The following COMMD10 variants were observed in gnomAD, a reference collection of about 807,000 sequenced individuals.
COMMD10 encodes the protein COMM domain containing 10, also known as COMM domain-containing protein 10.
In COMMD10, 33 loss-of-function variants were observed where a neutral mutation model predicts 28.9. The ratio of observed to expected loss-of-function variants is 1.14; its 90% CI spans 0.87 to 1.53. The LOEUF (loss-of-function observed/expected upper bound fraction) is 1.53. COMMD10 is among the 40% of genes most tolerant of loss of function. The pLI, the probability that COMMD10 is intolerant of heterozygous loss-of-function variation, is 0.00. For missense variants in COMMD10, 310 were observed against 233.4 expected (o/e 1.33, Z -2.14); for synonymous variants, 110 against 81.7 (o/e 1.35, Z -1.87).
chr5:116,175,265 A>C (rs1188783514), intron 5 of COMMD10, among the ~76,000 whole-genome samples: 1 of 134,674 alleles, frequency 7.4e-6, no homozygotes, highest in Admixed American at 7.1e-5. Flanking sequence ...CAGTGGCTTT[A>C]AAAAAAAATT....
At position 116,292,524 on chromosome 5, in the gene COMMD10, G is replaced by A; in HGVS notation, c.*35G>A. On this transcript the variant is annotated 3_prime_UTR_variant, in exon 7 of 7. Transcript: ENST00000274458. ...AGACTGTTTTTTTCATCACGCTCCT[G>A]CCACCTCATTATTTTGCATTGAAGA... The A allele has an allele frequency of 1.3e-6, 2 of 1,546,802 alleles. No homozygotes were observed. The highest frequency in any genetic ancestry group is 1.8e-6 in the Non-Finnish European group (2 of 1,140,664).
chr5:116,274,071 T>C (rs1327298634), intron 5 of COMMD10, among the ~76,000 whole-genome samples: 1 of 151,722 alleles, frequency 6.6e-6, no homozygotes, highest in Non-Finnish European at 1.5e-5. Context: ...GTCACCAACC[T>C]TTCCTATAAA....
At chr5:116,184,303 A>G (rs1262526181) in intron 5 of COMMD10, among the ~76,000 whole-genome samples, 1 of 93,960 alleles carries the variant, frequency 1.1e-5, no homozygotes, top group Non-Finnish European at 2.1e-5. Flanking sequence ...TTTCTTAACT[A>G]TATATCTGAC....
At chr5:116,238,833 C>T (rs891179403) in intron 5 of COMMD10, among the ~76,000 whole-genome samples, 2 of 152,182 alleles carry the variant, frequency 1.3e-5, no homozygotes, top group African/African-American at 4.8e-5. Context: ...ATAATACATA[C>T]ATCAGTAATT....
chr5:116,156,340 T>A (rs1445395316), intron 5 of COMMD10, among the ~76,000 whole-genome samples: 1 of 152,142 alleles, frequency 6.6e-6, no homozygotes, highest in Non-Finnish European at 1.5e-5. Context: ...AATTCTGATC[T>A]GAAAATTGGA....
chr5:116,282,072 A>T (rs1490859067), intron 5 of COMMD10, among the ~76,000 whole-genome samples: 1 of 151,884 alleles, frequency 6.6e-6, no homozygotes, highest in African/African-American at 2.4e-5. Flanking sequence ...TATCAAGCTA[A>T]TTGTGTCTGA....
At chr5:116,192,809 C>T (rs570186827) in intron 5 of COMMD10, among the ~76,000 whole-genome samples, 41 of 152,258 alleles carry the variant, frequency 2.7e-4, no homozygotes, top group Non-Finnish European at 4.6e-4. Context: ...ACAAGAAGCA[C>T]AGAGAACACT....
rs560320724 is a variant in COMMD10, at chr5:116,159,340, A to T, written c.510+25162A>T. 2.9e-4 allele frequency among the ~76,000 whole-genome samples: 44 copies of T among 152,248 alleles called. No homozygotes were observed. The South Asian group carries it at 8.9e-3, about 31-fold the overall frequency. On this transcript the variant is annotated intron_variant, in intron 5 of 6. Coordinates refer to ENST00000274458, the MANE Select transcript of COMMD10 (RefSeq NM_016144.4). ...AATGCTCTTGCCTCATGGCATTTGC[A>T]CTTTTCATTTCCTCCTCTAGAATGC...
intron 5 of COMMD10, among the ~76,000 whole-genome samples, chr5:116,265,590 A>C (rs1750562768): frequency 6.6e-6 from 1 of 151,894 alleles, no homozygotes; most frequent in East Asian, 1.9e-4. Context: ...AATTCAAGTT[A>C]ACAAGCATTT....
At chr5:116,292,225 C>G (rs1458006164) in intron 6 of COMMD10, among the ~76,000 whole-genome samples, 1 of 151,952 alleles carries the variant, frequency 6.6e-6, no homozygotes, top group East Asian at 1.9e-4. Flanking sequence ...AAGAAATCTT[C>G]TTTCTTTGAA....
chr5:116,107,286 C>A (rs575971930), intron 4 of COMMD10, among the ~76,000 whole-genome samples: 2 of 152,178 alleles, frequency 1.3e-5, no homozygotes, highest in East Asian at 3.9e-4. Context: ...CAACTTGGTT[C>A]CATTCTCCCC....
At chr5:116,279,583 C>A (rs1433370346) in intron 5 of COMMD10, among the ~76,000 whole-genome samples, 3 of 151,794 alleles carry the variant, frequency 2.0e-5, no homozygotes, top group Admixed American at 6.6e-5. Context: ...CAACAGAGAT[C>A]AGCTGAAATT....
intron 5 of COMMD10, among the ~76,000 whole-genome samples, chr5:116,259,900 A>G (rs926506595): frequency 1.3e-4 from 20 of 151,846 alleles, no homozygotes; most frequent in Admixed American, 7.9e-4. Flanking sequence ...CTGAGCCTCT[A>G]TAGCAGACTC....
At chr5:116,105,294 C>G (rs1210148727) in intron 4 of COMMD10, among the ~76,000 whole-genome samples, 1 of 152,180 alleles carries the variant, frequency 6.6e-6, no homozygotes, top group Non-Finnish European at 1.5e-5. Flanking sequence ...AGCCTTGCAT[C>G]CCAGGGATGA....
intron 4 of COMMD10, among the ~76,000 whole-genome samples, chr5:116,116,703 A>ATTTTT (rs70978604): frequency 8.2e-6 from 1 of 121,558 alleles, no homozygotes; most frequent in Non-Finnish European, 1.8e-5. Context: ...AAATGCAGAG[A>ATTTTT]TTTTTTTTTT....
intron 5 of COMMD10, among the ~76,000 whole-genome samples, chr5:116,153,498 A>C (rs1235820394): frequency 3.3e-5 from 5 of 152,138 alleles, no homozygotes; most frequent in African/African-American, 1.2e-4. Context: ...ATCATACCTG[A>C]TAACACCATA....
At chr5:116,179,844 A>G (rs1747887112) in intron 5 of COMMD10, among the ~76,000 whole-genome samples, 1 of 152,220 alleles carries the variant, frequency 6.6e-6, no homozygotes, top group South Asian at 2.1e-4. Context: ...AGTAGTAGGA[A>G]TGAAGTAGAA....
At chr5:116,157,165 GCTCA>G (rs1752744521) in intron 5 of COMMD10, among the ~76,000 whole-genome samples, 1 of 151,972 alleles carries the variant, frequency 6.6e-6, no homozygotes, top group Admixed American at 6.6e-5. Flanking sequence ...CTAATAGATT[GCTCA>G]CTGTTTTTCA....
chr5:116,188,602 T>TTTCCTTCC (rs140551834), intron 5 of COMMD10: 2 of 148,710 alleles, frequency 1.3e-5, no homozygotes, highest in Admixed American at 6.7e-5. Context: ...TTTTCTTCTT[T>TTTCCTTCC]TTCCTTCCTT....
Sources: allele counts gnomAD v4.1 joint callset (sites outside exome capture counted in the v4.1 genomes callset), GRCh38; gene constraint gnomAD v4.1.1; transcripts MANE v1.5; gene names NCBI Gene and HGNC (gene_info 2026-07-23, HGNC 2026-07-21).